Variants in MERTK observed in about 807,000 individuals in gnomAD.
MERTK encodes the protein MER proto-oncogene, tyrosine kinase, also known as tyrosine-protein kinase Mer.
A neutral mutation model predicts 99.3 loss-of-function variants in MERTK; 69 were observed. That is an observed-to-expected ratio of 0.70 (90% CI 0.57 to 0.85). The LOEUF (loss-of-function observed/expected upper bound fraction) is 0.85, where lower values mean the gene tolerates loss of function less well. Ranked by LOEUF, MERTK falls within the 40% of genes least tolerant of loss-of-function variation. The pLI is 0.00. For synonymous variants in MERTK, 426 were observed against 467.6 expected, an observed-to-expected ratio of 0.91 and a Z score of 1.15; for missense variants, 1,125 against 1,249.4, an observed-to-expected ratio of 0.90 and a Z score of 1.50.
intron 15 of MERTK, among the ~76,000 whole-genome samples, chr2:112,012,648 C>G (rs1453957473): frequency 1.3e-5 from 2 of 152,128 alleles, no homozygotes; most frequent in East Asian, 3.9e-4. Context: ...GCAACCCCTG[C>G]CCTGAATCCT....
At position 112,028,694 on chromosome 2, in the gene MERTK, G is replaced by A. The variant is rs572549911; in HGVS notation, c.2830G>A (p.Ala944Thr). 3.8e-5 allele frequency: 61 copies of A among 1,614,220 alleles called. No homozygotes were observed. In the Middle Eastern group the frequency reaches 2.0e-3, roughly 52 times the overall value. ...GSEEWEDLTS[A>T]PSAAVTAEKN... is the part of the protein sequence containing the mutation. Reference sequence around the variant, plus strand: ...TGAGGAATGGGAAGATCTGACTTCTGCCCCCTCTGCTGCAGTCACAGCTGA... The same window carrying A: ...TGAGGAATGGGAAGATCTGACTTCTACCCCCTCTGCTGCAGTCACAGCTGA... The change falls in exon 19 of 19, where the codon GCC becomes ACC. Residue 944 changes from alanine to threonine, a missense_variant. Physicochemically the swap from Ala to Thr is moderately conservative, Grantham distance 58. Transcript: ENST00000295408.
chr2:111,937,175 T>G (rs1483893009), intron 2 of MERTK, among the ~76,000 whole-genome samples: 1 of 152,054 alleles, frequency 6.6e-6, no homozygotes, highest in African/African-American at 2.4e-5. Flanking sequence ...CCAGGCATGG[T>G]GGCTTATGCC....
At chr2:111,904,080 T>G (rs1332762859) in intron 1 of MERTK, among the ~76,000 whole-genome samples, 1 of 152,062 alleles carries the variant, frequency 6.6e-6, no homozygotes, top group East Asian at 1.9e-4. Context: ...TGTTTCCTAG[T>G]AGTTTGAGCA....
chr2:111,994,477 C>A (rs1487450562), intron 9 of MERTK, 73 bp downstream of exon 9: 3 of 1,573,690 alleles, frequency 1.9e-6, no homozygotes, highest in Non-Finnish European at 2.6e-6. Flanking sequence ...AGAAAGTAAC[C>A]TGGGGGATGG....
In MERTK at chr2:111,936,163, G is replaced by A. The variant is rs537782092; in HGVS notation, c.482+6623G>A. 5.3e-5 allele frequency among the ~76,000 whole-genome samples: 8 copies of A among 152,134 alleles called. No homozygotes were observed. The East Asian group carries it at 1.5e-3, about 29-fold the overall frequency. On this transcript the variant is annotated intron_variant, in intron 2 of 18. Coordinates refer to ENST00000295408, the MANE Select transcript of MERTK (RefSeq NM_006343.3). ...GATCTCCTGACCTCATGATCTGCCCGCCTCGGCCTCCCAAAGTGCTGGTAT... is the reference window on the plus strand; with the variant it reads ...GATCTCCTGACCTCATGATCTGCCCACCTCGGCCTCCCAAAGTGCTGGTAT...
At position 111,994,252 on chromosome 2, in the gene MERTK, AAG is replaced by A. The variant is rs776644374; in HGVS notation, c.1301_1302del (p.Glu434AlafsTer40). 4 of 1,613,782 alleles carry A rather than the reference AAG, an allele frequency of 2.5e-6. No homozygotes were observed. The highest frequency in any genetic ancestry group is 3.4e-6 in the Non-Finnish European group (4 of 1,180,002). On this transcript the variant is annotated frameshift_variant and splice_region_variant, in exon 9 of 19. Transcript: ENST00000295408. LOFTEE classifies it high-confidence loss of function. The stretch of plus-strand genomic sequence containing the variant: ...TCCTCTCTTCCTCTCTGTCTCCAGA[AAG>A]AGCTCTTGGAGGAAGTTGGCCAGAA...
intron 2 of MERTK, among the ~76,000 whole-genome samples, chr2:111,944,759 T>C (rs554578692): frequency 6.6e-6 from 1 of 152,332 alleles, no homozygotes; most frequent in African/African-American, 2.4e-5. Flanking sequence ...CTGCTTTAAA[T>C]GCTAGTGACA....
At chr2:111,984,591 G>A (rs889462008) in intron 8 of MERTK, among the ~76,000 whole-genome samples, 22 of 152,166 alleles carry the variant, frequency 1.4e-4, no homozygotes, top group South Asian at 6.2e-4. Context: ...CTAAAATGCA[G>A]GGCCCTGAAA....
chr2:111,972,286 C>A (rs957406192), intron 6 of MERTK, among the ~76,000 whole-genome samples: 2 of 152,148 alleles, frequency 1.3e-5, no homozygotes, highest in African/African-American at 4.8e-5. Context: ...GAAGCATGGG[C>A]CAGCCCTTTT....
intron 6 of MERTK, among the ~76,000 whole-genome samples, chr2:111,973,801 TGG>T (rs1676172781): frequency 6.6e-6 from 1 of 151,988 alleles, no homozygotes; most frequent in Non-Finnish European, 1.5e-5. Context: ...AGGAAAGAGA[TGG>T]AAGTTTCGCC....
At chr2:111,955,258 G>A (rs11679801) in intron 4 of MERTK, among the ~76,000 whole-genome samples, 31,912 of 152,122 alleles carry the variant, frequency 0.21, 4,020 homozygotes, top group Middle Eastern at 0.35. Context: ...CCTCTGTGTT[G>A]TATGAGCTTT....
At chr2:111,925,863 C>T (rs1355858263) in intron 1 of MERTK, among the ~76,000 whole-genome samples, 2 of 150,736 alleles carry the variant, frequency 1.3e-5, no homozygotes, top group South Asian at 2.1e-4. Context: ...GACAGAGTCT[C>T]GCTCTGTCCC....
Position 112,028,491 on chromosome 2 carries a change from A to G in MERTK, c.2627A>G (p.Gln876Arg). The change falls in exon 19 of 19, where the codon CAG becomes CGG. Residue 876 changes from glutamine (Q) to arginine (R), a missense_variant. Physicochemically the swap from Gln to Arg is conservative, Grantham distance 43. Coordinates refer to ENST00000295408, the MANE Select transcript of MERTK (RefSeq NM_006343.3). ...GCAGACGTTATTTACGTCAATACAC[A>G]GTTGCTGGAGAGCTCTGAGGGCCTG... ...NQADVIYVNT[Q>R]LLESSEGLAQ... 1 of 1,614,198 alleles carries G rather than the reference A, an allele frequency of 6.2e-7. No homozygotes were observed. Among genetic ancestry groups the G allele is most frequent in the African/African-American group, 1.3e-5 (1 of 75,040 alleles).
intron 8 of MERTK, among the ~76,000 whole-genome samples, chr2:111,987,516 T>A (rs557522500): frequency 6.6e-6 from 1 of 152,312 alleles, no homozygotes; most frequent in South Asian, 2.1e-4. Context: ...TGACCTTGCT[T>A]TGTAGGCATT....
chr2:111,999,718 A>G (rs1490784861), intron 10 of MERTK, among the ~76,000 whole-genome samples: 1 of 152,226 alleles, frequency 6.6e-6, no homozygotes, highest in Non-Finnish European at 1.5e-5. Context: ...ACACGTGTCC[A>G]TGTGAAGAGA....
At chr2:111,950,744 A>G (rs13388623) in intron 4 of MERTK, among the ~76,000 whole-genome samples, 9,610 of 152,268 alleles carry the variant, frequency 0.063, 353 homozygotes, top group African/African-American at 0.1. Flanking sequence ...GCGTCACTTC[A>G]GGTCTTTTGC....
intron 6 of MERTK, among the ~76,000 whole-genome samples, chr2:111,972,707 A>G (rs1026191090): frequency 1.3e-5 from 2 of 152,174 alleles, no homozygotes; most frequent in African/African-American, 4.8e-5. Context: ...GATTTGGCAA[A>G]TAAGAATACA....
chr2:111,921,251 G>A (rs1684452576), intron 1 of MERTK, among the ~76,000 whole-genome samples: 1 of 152,072 alleles, frequency 6.6e-6, no homozygotes, highest in Non-Finnish European at 1.5e-5. Flanking sequence ...GCCTTTCTCT[G>A]AACTTTGGGA....
At chr2:111,953,391 T>A (rs749042674) in intron 4 of MERTK, among the ~76,000 whole-genome samples, 23 of 152,194 alleles carry the variant, frequency 1.5e-4, no homozygotes, top group Non-Finnish European at 2.6e-4. Context: ...GCTGCTGACT[T>A]TATTTTTCTT....
Sources: gnomAD v4.1 joint callset for allele counts (sites outside exome capture counted in the v4.1 genomes callset) on GRCh38, gnomAD v4.1.1 for gene constraint, MANE v1.5 for transcripts, NCBI Gene and HGNC (gene_info 2026-07-23, HGNC 2026-07-21) for gene names.